The following FAM107B variants were observed in gnomAD, a reference collection of about 807,000 sequenced individuals.
The protein encoded by FAM107B is family with sequence similarity 107 member B, also known as protein FAM107B.
FAM107B carries 21 observed loss-of-function variants against 31.5 expected under a neutral mutation model. That is an observed-to-expected ratio of 0.67 (90% confidence interval 0.47 to 0.96). FAM107B has a LOEUF of 0.96. FAM107B is among the 40% of genes least tolerant of loss of function. The pLI is 0.00. For synonymous variants in FAM107B, 157 were observed against 141.5 expected (o/e 1.11, Z -0.78); for missense variants, 452 against 377.1 (o/e 1.20, Z -1.64).
chr10:14,762,034 G>A (rs1276395267), intron 1 of FAM107B, among the ~76,000 whole-genome samples: 1 of 152,144 alleles, frequency 6.6e-6, no homozygotes, highest in African/African-American at 2.4e-5. Flanking sequence ...ATACCGTAGT[G>A]TAAACACTCT....
At chr10:14,751,162 G>A (rs1832820223) in intron 1 of FAM107B, among the ~76,000 whole-genome samples, 1 of 152,212 alleles carries the variant, frequency 6.6e-6, no homozygotes, top group South Asian at 2.1e-4. Context: ...TTCCTCATTA[G>A]GGTCCCAGGG....
At chr10:14,685,755 G>A (rs149818013) in intron 1 of FAM107B, among the ~76,000 whole-genome samples, 4 of 152,176 alleles carry the variant, frequency 2.6e-5, no homozygotes, top group East Asian at 1.9e-4. Flanking sequence ...TTTTATATCC[G>A]CTCAGTCTCC....
At chr10:14,740,402 C>A (rs78284169) in intron 1 of FAM107B, among the ~76,000 whole-genome samples, 7 of 152,060 alleles carry the variant, frequency 4.6e-5, no homozygotes, top group Non-Finnish European at 1.0e-4. Context: ...TGTTGGAAAA[C>A]GCAAAACTAT....
chr10:14,663,785 C>T (rs760297260), intron 2 of FAM107B, among the ~76,000 whole-genome samples: 17 of 148,860 alleles, frequency 1.1e-4, no homozygotes, highest in Non-Finnish European at 1.9e-4. Flanking sequence ...GAGCACACTC[C>T]TAACTCGTCT....
chr10:14,750,890 G>A (rs1588754164), intron 1 of FAM107B, among the ~76,000 whole-genome samples: 2 of 152,336 alleles, frequency 1.3e-5, no homozygotes, highest in South Asian at 4.1e-4. Flanking sequence ...CCTGAAGGCT[G>A]TGGGGTGCAT....
chr10:14,642,277 G>T (rs1019999333), intron 2 of FAM107B, among the ~76,000 whole-genome samples: 2 of 152,228 alleles, frequency 1.3e-5, no homozygotes, highest in African/African-American at 4.8e-5. Flanking sequence ...CCCTGCCCCT[G>T]TGGTTCTTGC....
intron 2 of FAM107B, chr10:14,532,485 G>T (rs1363195422): frequency 6.6e-6 from 1 of 152,060 alleles, no homozygotes; most frequent in African/African-American, 2.4e-5. Flanking sequence ...AAACAGTAAG[G>T]CATATATAAT....
intron 2 of FAM107B, chr10:14,652,691 T>C (rs897399766): frequency 6.6e-6 from 1 of 152,214 alleles, no homozygotes; most frequent in African/African-American, 2.4e-5. Flanking sequence ...ATTGCTATAG[T>C]ATCAAGGGTA....
At chr10:14,604,349 G>C (rs900620167) in intron 2 of FAM107B, 1 of 709,020 alleles carries the variant, frequency 1.4e-6, no homozygotes, top group South Asian at 6.1e-5. Flanking sequence ...CGCGAGGGCG[G>C]CTCCGGGGGC....
At chr10:14,595,422 CT>C (rs35540585) in intron 2 of FAM107B, among the ~76,000 whole-genome samples, 11 of 98,164 alleles carry the variant, frequency 1.1e-4, no homozygotes, top group African/African-American at 3.3e-4. Flanking sequence ...CTAGGGCAAC[CT>C]TTTTTTTTTT....
chr10:14,557,817 C>A (rs1588578782), intron 2 of FAM107B, among the ~76,000 whole-genome samples: 1 of 152,250 alleles, frequency 6.6e-6, no homozygotes, highest in East Asian at 1.9e-4. Context: ...TTGGAGGGGC[C>A]TAGCCGGGGC....
intron 1 of FAM107B, among the ~76,000 whole-genome samples, chr10:14,752,646 A>T: frequency 6.6e-6 from 1 of 152,174 alleles, no homozygotes; most frequent in South Asian, 2.1e-4. Flanking sequence ...GACTCATAAA[A>T]GCTGGCCAGG....
At chr10:14,743,569 T>C (rs1313834659) in intron 1 of FAM107B, among the ~76,000 whole-genome samples, 1 of 152,242 alleles carries the variant, frequency 6.6e-6, no homozygotes, top group Non-Finnish European at 1.5e-5. Flanking sequence ...ATTTTCTGCA[T>C]ATGGCTAGCC....
chr10:14,678,594 C>A (rs1278021422), intron 1 of FAM107B, among the ~76,000 whole-genome samples: 3 of 145,500 alleles, frequency 2.1e-5, no homozygotes, highest in Admixed American at 7.1e-5. Context: ...AAAATCCTAA[C>A]GCTAACAAAT....
chr10:14,558,573 C>T (rs139240906), intron 2 of FAM107B, among the ~76,000 whole-genome samples: 58 of 143,370 alleles, frequency 4.0e-4, no homozygotes, highest in Non-Finnish European at 5.8e-4. Flanking sequence ...CATCTGGCTA[C>T]TGCTCACCTG....
intron 2 of FAM107B, among the ~76,000 whole-genome samples, chr10:14,585,290 C>A (rs1851786385): frequency 6.6e-6 from 1 of 152,220 alleles, no homozygotes; most frequent in South Asian, 2.1e-4. Flanking sequence ...ACTAGTAACA[C>A]CTGGACCCCA....
chr10:14,748,610 C>G (rs1423172550), intron 1 of FAM107B, among the ~76,000 whole-genome samples: 2 of 152,146 alleles, frequency 1.3e-5, no homozygotes, highest in African/African-American at 4.8e-5. Flanking sequence ...ATTCTTGGCC[C>G]GACAACAGTG....
At chr10:14,665,201 C>T (rs1033021888) in intron 2 of FAM107B, among the ~76,000 whole-genome samples, 1 of 152,208 alleles carries the variant, frequency 6.6e-6, no homozygotes, top group Admixed American at 6.5e-5. Context: ...TCTACCTACA[C>T]TTCATTTGCT....
intron 3 of FAM107B, among the ~76,000 whole-genome samples, chr10:14,525,966 C>T (rs1203075345): frequency 1.3e-5 from 2 of 152,156 alleles, no homozygotes; most frequent in Non-Finnish European, 2.9e-5. Flanking sequence ...GCAGACGGGG[C>T]GAGTCCCCAT....
Sources: allele counts gnomAD v4.1 joint callset (sites outside exome capture counted in the v4.1 genomes callset), GRCh38; gene constraint gnomAD v4.1.1; transcripts MANE v1.5; gene names NCBI Gene and HGNC (gene_info 2026-07-23, HGNC 2026-07-21).